The following TMCC3 variants were observed in gnomAD, a reference collection of about 807,000 sequenced individuals.
TMCC3 encodes the protein transmembrane and coiled-coil domain protein 3.
A neutral mutation model predicts 40.2 loss-of-function variants in TMCC3; 28 were observed. That is an observed-to-expected ratio of 0.70 (90% CI 0.52 to 0.95). TMCC3 has a LOEUF of 0.95. TMCC3 is among the 40% of genes least tolerant of loss of function. The probability of loss-of-function intolerance (pLI) is 0.00; values close to 1 mark genes in which losing one functional copy is unlikely to be tolerated. For missense variants in TMCC3, 554 were observed against 615.2 expected (o/e 0.90, Z 1.05); for synonymous variants, 255 against 248.5 (o/e 1.03, Z -0.25).
At chr12:94,597,677 A>C (rs188123151) in intron 1 of TMCC3, among the ~76,000 whole-genome samples, 40 of 152,102 alleles carry the variant, frequency 2.6e-4, no homozygotes, top group African/African-American at 9.4e-4. Flanking sequence ...ATGGTGGTGC[A>C]TGTCTATAAT....
intron 1 of TMCC3, among the ~76,000 whole-genome samples, chr12:94,605,894 A>T (rs2068779743): frequency 6.6e-6 from 1 of 152,182 alleles, no homozygotes; most frequent in Non-Finnish European, 1.5e-5. Context: ...GACATCCCAG[A>T]TTCTCCTGAA....
chr12:94,632,932 C>T (rs904372015), intron 1 of TMCC3, among the ~76,000 whole-genome samples: 2 of 152,068 alleles, frequency 1.3e-5, no homozygotes, highest in Non-Finnish European at 2.9e-5. Flanking sequence ...CAGGGTGAAA[C>T]GCCATCTCTA....
chr12:94,619,961 C>A (rs531285805), intron 1 of TMCC3, among the ~76,000 whole-genome samples: 3 of 152,002 alleles, frequency 2.0e-5, no homozygotes, highest in Non-Finnish European at 4.4e-5. Flanking sequence ...GTCGGGAGTT[C>A]GAGACCAGCT....
chr12:94,586,447 G>A (rs2138831474), intron 1 of TMCC3, among the ~76,000 whole-genome samples: 1 of 152,282 alleles, frequency 6.6e-6, no homozygotes, highest in South Asian at 2.1e-4. Context: ...TTGTATACAT[G>A]TATTCTTCTT....
chr12:94,645,270 C>T lies in TMCC3; in HGVS notation c.78+5083G>A, dbSNP rs145414786. Among the ~76,000 whole-genome samples, 680 of 152,256 alleles carry T rather than the reference C, an allele frequency of 4.5e-3. 5 individuals are homozygous for T. The highest frequency in any genetic ancestry group is 6.8e-3 in the Non-Finnish European group (464 of 68,024). ...ACAGTCAATGTCATGAGAAACATGA[C>T]GCAAGGAGGCACAAAATGCTAGCAA... On this transcript the variant is annotated intron_variant, in intron 1 of 3. Coordinates refer to ENST00000261226, the MANE Select transcript of TMCC3 (RefSeq NM_020698.4).
chr12:94,595,863 G>A (rs1417816164), intron 1 of TMCC3, among the ~76,000 whole-genome samples: 1 of 151,018 alleles, frequency 6.6e-6, no homozygotes, highest in Non-Finnish European at 1.5e-5. Flanking sequence ...TCCACTTAAA[G>A]AAAAAAAAAA....
intron 1 of TMCC3, among the ~76,000 whole-genome samples, chr12:94,635,878 A>AG (rs1235957795): frequency 6.6e-6 from 1 of 152,062 alleles, no homozygotes; most frequent in Non-Finnish European, 1.5e-5. Context: ...CATGTTGGTC[A>AG]GGCTGGTCTG....
At position 94,639,668 on chromosome 12, in the gene TMCC3, AACAC is replaced by A. The variant is rs3073591; in HGVS notation, c.78+10681_78+10684del. On this transcript the variant is annotated intron_variant, in intron 1 of 3. Transcript: ENST00000261226. ...AGATTACAGGAAACACATATATGTA[AACAC>A]ACACACACACACACACACACACACA... is the stretch of plus-strand genomic sequence containing the variant. Among the ~76,000 whole-genome samples the A allele has an allele frequency of 9.0e-3, 1,119 of 124,126 alleles. 11 individuals carry two copies. Among genetic ancestry groups the A allele is most frequent in the African/African-American group, 0.026 (816 of 31,634 alleles). 81.4% of individuals were successfully genotyped at this position (124,126 alleles called of 152,430 possible). A position where few individuals can be genotyped will look rare whatever the true frequency, so the allele number is the denominator to read the frequency against.
chr12:94,646,014 G>C (rs557134475), intron 1 of TMCC3, among the ~76,000 whole-genome samples: 32 of 152,296 alleles, frequency 2.1e-4, no homozygotes, highest in African/African-American at 7.7e-4. Context: ...CTAAGGCTTA[G>C]AGTGATTACA....
At chr12:94,641,307 G>A (rs570626376) in intron 1 of TMCC3, among the ~76,000 whole-genome samples, 2 of 152,264 alleles carry the variant, frequency 1.3e-5, no homozygotes, top group Non-Finnish European at 2.9e-5. Flanking sequence ...TATGGGAAAA[G>A]TATAATATTA....
At chr12:94,598,616 C>T in intron 1 of TMCC3, 1 of 985,368 alleles carries the variant, frequency 1.0e-6, no homozygotes, top group Non-Finnish European at 1.2e-6. Context: ...TCCTCAAGGC[C>T]AGCTTATACA....
intron 1 of TMCC3, among the ~76,000 whole-genome samples, chr12:94,583,261 T>C (rs556926434): frequency 4.0e-5 from 6 of 151,138 alleles, no homozygotes; most frequent in Admixed American, 3.9e-4. Context: ...TCCCAGCACT[T>C]TGGGAGGCCC....
chr12:94,592,604 GCTGCAGTAAGCCAAGATTGCGCCA>G (rs1294534188), intron 1 of TMCC3, among the ~76,000 whole-genome samples: 5 of 13,028 alleles, frequency 3.8e-4, no homozygotes, highest in Admixed American at 2.8e-3. Flanking sequence ...AGATTGCGCC[GCTGCAGTAAGCCAAGATTGCGCCA>G]CTGCATTTGA....
intron 1 of TMCC3, among the ~76,000 whole-genome samples, chr12:94,630,613 C>T (rs1291326925): frequency 6.6e-6 from 1 of 152,214 alleles, no homozygotes; most frequent in Non-Finnish European, 1.5e-5. Context: ...ATAGTGCTGG[C>T]AATGGCACTC....
intron 1 of TMCC3, among the ~76,000 whole-genome samples, chr12:94,647,405 T>TG (rs2069025822): frequency 6.6e-6 from 1 of 152,170 alleles, no homozygotes; most frequent in African/African-American, 2.4e-5. Flanking sequence ...AGACAGACCA[T>TG]GTAGTTTCCC....
At chr12:94,636,908 G>C (rs1001502638) in intron 1 of TMCC3, among the ~76,000 whole-genome samples, 1 of 152,166 alleles carries the variant, frequency 6.6e-6, no homozygotes, top group African/African-American at 2.4e-5. Context: ...TTGATTTCAG[G>C]CTGATGACAC....
chr12:94,621,923 C>T (rs1265211218), intron 1 of TMCC3, among the ~76,000 whole-genome samples: 2 of 152,126 alleles, frequency 1.3e-5, no homozygotes, highest in South Asian at 2.1e-4. Flanking sequence ...GTAAAGTGTC[C>T]AACGTCAACC....
intron 1 of TMCC3, among the ~76,000 whole-genome samples, chr12:94,585,761 C>T (rs2068634967): frequency 6.6e-6 from 1 of 152,158 alleles, no homozygotes; most frequent in South Asian, 2.1e-4. Flanking sequence ...CCCAGTGGAA[C>T]ACCCCCTCTC....
Position 94,650,378 on chromosome 12 carries a change from C to T in TMCC3, c.53G>A (p.Gly18Asp), listed in dbSNP as rs563676314. 44 of 1,344,074 alleles carry T rather than the reference C, an allele frequency of 3.3e-5. No individual in the cohort carries two copies. The African/African-American group carries it at 5.8e-4, about 18-fold the overall frequency. 83.3% of individuals were successfully genotyped at this position (1,344,074 alleles called of 1,614,324 possible). ...LTVDRTYSYPGRHHRCKSRVE... is the reference protein window; with the variant it reads ...LTVDRTYSYPDRHHRCKSRVE... ...CCGGCTCTTGCAGCGGTGGTGCCGG[C>T]CGGGGTACGAGTAGGTCCGGTCCAC... The change falls in exon 1 of 4, where the codon GGC (glycine) becomes GAC (aspartate). Residue 18 changes from glycine to aspartate, a missense_variant. Gly to Asp is a moderately conservative substitution (Grantham distance 94). Transcript: ENST00000261226.
Sources: allele counts gnomAD v4.1 joint callset (sites outside exome capture counted in the v4.1 genomes callset), GRCh38; gene constraint gnomAD v4.1.1; transcripts MANE v1.5; gene names NCBI Gene and HGNC (gene_info 2026-07-23, HGNC 2026-07-21).